AGBL4: variants seen among roughly 807,000 people sequenced by gnomAD.
AGBL4 encodes cytosolic carboxypeptidase 6.
A neutral mutation model predicts 66.4 loss-of-function variants in AGBL4; 58 were observed. The ratio of observed to expected loss-of-function variants is 0.87; its 90% CI spans 0.71 to 1.09. AGBL4 has a LOEUF of 1.09. Among genes scored for constraint, AGBL4 ranks in the 50% least tolerant of loss-of-function variants. The pLI is 0.00. For synonymous variants in AGBL4, 234 were observed against 222.9 expected (o/e 1.05, Z -0.44); for missense variants, 579 against 631.0 (o/e 0.92, Z 0.88).
At chr1:48,534,866 T>C (rs1296501351) in intron 13 of AGBL4, 24 bp downstream of exon 13, 1 of 1,550,614 alleles carries the variant, frequency 6.4e-7, no homozygotes, top group South Asian at 1.2e-5. Flanking sequence ...TTACGGGCAA[T>C]GTCATCTTGA....
At chr1:48,537,522 C>T (rs549562757) in intron 12 of AGBL4, among the ~76,000 whole-genome samples, 3 of 152,112 alleles carry the variant, frequency 2.0e-5, no homozygotes, top group African/African-American at 2.4e-5. Flanking sequence ...CACTGCATGG[C>T]AGGGTGAGGG....
intron 2 of AGBL4, among the ~76,000 whole-genome samples, chr1:49,748,815 G>A (rs1234254008): frequency 6.6e-6 from 1 of 152,136 alleles, no homozygotes; most frequent in African/African-American, 2.4e-5. Context: ...CTTTTGAGAA[G>A]TGTCCGTTCA....
intron 6 of AGBL4, among the ~76,000 whole-genome samples, chr1:48,752,815 T>A (rs1369709128): frequency 6.6e-6 from 1 of 152,080 alleles, no homozygotes; most frequent in Non-Finnish European, 1.5e-5. Flanking sequence ...AGTGGCATGA[T>A]CTTGGCTCAC....
intron 1 of AGBL4, among the ~76,000 whole-genome samples, chr1:49,965,182 C>T (rs749299284): frequency 6.6e-6 from 1 of 152,180 alleles, no homozygotes. Flanking sequence ...ATCAATTTCT[C>T]ACAATCCCAT....
intron 1 of AGBL4, among the ~76,000 whole-genome samples, chr1:49,975,379 T>C (rs568532505): frequency 6.6e-6 from 1 of 152,320 alleles, no homozygotes; most frequent in Non-Finnish European, 1.5e-5. Flanking sequence ...TTTACCACTT[T>C]GCATAAATGG....
chr1:49,687,557 A>C (rs1408383732), intron 3 of AGBL4, among the ~76,000 whole-genome samples: 1 of 152,070 alleles, frequency 6.6e-6, no homozygotes, highest in Non-Finnish European at 1.5e-5. Flanking sequence ...GGATCACTTG[A>C]GCTCAGGAGT....
At chr1:49,184,381 A>C (rs2148192542) in intron 4 of AGBL4, among the ~76,000 whole-genome samples, 1 of 152,294 alleles carries the variant, frequency 6.6e-6, no homozygotes, top group South Asian at 2.1e-4. Context: ...TGTGGGGAAA[A>C]GCAGATTTAC....
intron 1 of AGBL4, among the ~76,000 whole-genome samples, chr1:49,890,356 C>T (rs1278637540): frequency 6.6e-6 from 1 of 152,078 alleles, no homozygotes; most frequent in Non-Finnish European, 1.5e-5. Flanking sequence ...GTGGAGACAA[C>T]AGCAGATAAG....
At chr1:49,817,455 T>C (rs1645259960) in intron 2 of AGBL4, among the ~76,000 whole-genome samples, 1 of 152,176 alleles carries the variant, frequency 6.6e-6, no homozygotes, top group Admixed American at 6.6e-5. Context: ...CCTTGAAAAA[T>C]AGTCATCTTC....
chr1:49,380,556 A>C (rs1383545338), intron 3 of AGBL4, among the ~76,000 whole-genome samples: 7 of 152,146 alleles, frequency 4.6e-5, no homozygotes, highest in Non-Finnish European at 1.0e-4. Context: ...AAGCCAAAAG[A>C]ACAAAGCTGG....
rs372959771 is a variant in AGBL4 at position 49,627,873 on chromosome 1, A to G, written c.282+69440T>C. Among the ~76,000 whole-genome samples, 16 of 152,128 alleles carry G rather than the reference A, an allele frequency of 1.1e-4. No homozygotes were observed. In the East Asian group the frequency reaches 1.4e-3, roughly 13 times the overall value. On this transcript the variant is annotated intron_variant, in intron 3 of 13. Transcript: ENST00000371839. Reference sequence around the variant, plus strand: ...TTACCTGCTGAGGCAGTTACTTATGACCTCTGATCCACTTTAACTCAATCC... The same window carrying G: ...TTACCTGCTGAGGCAGTTACTTATGGCCTCTGATCCACTTTAACTCAATCC...
rs57012926 is a variant in AGBL4 at position 48,650,444 on chromosome 1, A to ACCTTCCTTCCTTCCTTCCTTCCTTCCTT, written c.839+2865_839+2892dup. Among the ~76,000 whole-genome samples, 37 of 147,138 alleles carry ACCTTCCTTCCTTCCTTCCTTCCTTCCTT rather than the reference A, an allele frequency of 2.5e-4. No individual in the cohort carries two copies. In the East Asian group the frequency reaches 3.8e-3, roughly 15 times the overall value. On this transcript the variant is annotated intron_variant, in intron 8 of 13. Transcript: ENST00000371839. Reference sequence around the variant, plus strand: ...TACTGCACTAGAATTCTGAGAACCAACCTTCCTTCCTTCCTTCCTTCCTTC... The same window carrying ACCTTCCTTCCTTCCTTCCTTCCTTCCTT: ...TACTGCACTAGAATTCTGAGAACCAACCTTCCTTCCTTCCTTCCTTCCTTCCTTCCTTCCTTCCTTCCTTCCTTCCTTC...
intron 4 of AGBL4, among the ~76,000 whole-genome samples, chr1:49,102,730 C>G (rs1331985147): frequency 6.6e-6 from 1 of 152,106 alleles, no homozygotes; most frequent in Non-Finnish European, 1.5e-5. Context: ...GTATAATATC[C>G]ATTGAAAATC....
rs532800579 is a variant in AGBL4 at position 49,743,892 on chromosome 1, C to T, written c.158-46455G>A. Among the ~76,000 whole-genome samples, 287 of 118,740 alleles carry T rather than the reference C, an allele frequency of 2.4e-3. 4 individuals are homozygous for T. Among genetic ancestry groups the T allele is most frequent in the African/African-American group, 9.4e-3 (274 of 29,178 alleles). 77.9% of individuals were successfully genotyped at this position (118,740 alleles called of 152,430 possible). The stretch of plus-strand genomic sequence containing the variant: ...ACACAGGAAGGGGAACATCACACAC[C>T]AGGACCTATTGTGGGGTGGGGGGAG... On this transcript the variant is annotated intron_variant, in intron 2 of 13. Transcript: ENST00000371839.
chr1:49,638,229 T>C (rs1362989891), intron 3 of AGBL4, among the ~76,000 whole-genome samples: 2 of 152,312 alleles, frequency 1.3e-5, no homozygotes, highest in African/African-American at 4.8e-5. Flanking sequence ...GTGATGCTGA[T>C]ACTGAATTTG....
At chr1:49,602,412 G>T (rs954170131) in intron 3 of AGBL4, among the ~76,000 whole-genome samples, 3 of 152,024 alleles carry the variant, frequency 2.0e-5, no homozygotes, top group Admixed American at 6.6e-5. Context: ...TTGTGGCACT[G>T]TTCACAATAG....
intron 3 of AGBL4, among the ~76,000 whole-genome samples, chr1:49,481,475 T>C (rs1336781214): frequency 6.6e-6 from 1 of 151,872 alleles, no homozygotes; most frequent in African/African-American, 2.4e-5. Flanking sequence ...CTTTTGCACA[T>C]TGATTTTGTA....
intron 3 of AGBL4, among the ~76,000 whole-genome samples, chr1:49,628,980 A>AT (rs1242946040): frequency 6.6e-6 from 1 of 152,120 alleles, no homozygotes; most frequent in Non-Finnish European, 1.5e-5. Context: ...ATAGTTTTTA[A>AT]TTTTATGGAT....
At chr1:49,349,001 C>T (rs894815582) in intron 3 of AGBL4, among the ~76,000 whole-genome samples, 16 of 152,048 alleles carry the variant, frequency 1.1e-4, no homozygotes, top group Admixed American at 5.9e-4. Flanking sequence ...GCTTTTTGGT[C>T]TCATCTCTAT....
Sources: gnomAD v4.1 joint callset for allele counts (sites outside exome capture counted in the v4.1 genomes callset) on GRCh38, gnomAD v4.1.1 for gene constraint, MANE v1.5 for transcripts, NCBI Gene and HGNC (gene_info 2026-07-23, HGNC 2026-07-21) for gene names.